Variants in YBEY observed in about 807,000 individuals in gnomAD.
YBEY encodes ybeY metalloendoribonuclease.
Under a neutral mutation model 13.5 loss-of-function variants are expected in YBEY, and 15 were observed. That is an observed-to-expected ratio of 1.11 (90% CI 0.75 to 1.72). The LOEUF is 1.72. Ranked by LOEUF, YBEY falls within the 40% of genes most tolerant of loss-of-function variation. YBEY has a pLI of 0.00. For synonymous variants in YBEY, 101 were observed against 83.1 expected (o/e 1.21, Z -1.17); for missense variants, 244 against 208.4 (o/e 1.17, Z -1.05).
intron 2 of YBEY, among the ~76,000 whole-genome samples, chr21:46,288,904 G>T (rs117344993): frequency 6.6e-6 from 1 of 151,588 alleles, no homozygotes; most frequent in Non-Finnish European, 1.5e-5. Flanking sequence ...CAGAGCTGTC[G>T]TCCCAGCTAC....
the YBEY span, among the ~76,000 whole-genome samples, chr21:46,305,706 G>A: frequency 6.6e-6 from 1 of 152,154 alleles, no homozygotes; most frequent in African/African-American, 2.4e-5. Flanking sequence ...TTGGGAGGCT[G>A]AGGTGGGCGG....
intron 2 of YBEY, 107 bp from the exon 3 acceptor site, chr21:46,291,225 GCT>G: frequency 8.1e-7 from 1 of 1,233,790 alleles, no homozygotes; most frequent in East Asian, 2.8e-5. Context: ...AAGTGATTTG[GCT>G]CAGAGATAAG....
chr21:46,292,234 C>T (rs2081746406), intron 3 of YBEY: 1 of 152,180 alleles, frequency 6.6e-6, no homozygotes, highest in Non-Finnish European at 1.5e-5. Flanking sequence ...TATTGGGGAG[C>T]AATTGGGGCG....
the YBEY span, among the ~76,000 whole-genome samples, chr21:46,303,758 T>A: frequency 5.8e-4 from 54 of 93,538 alleles, no homozygotes; most frequent in Non-Finnish European, 9.7e-4. Flanking sequence ...TTTTTTTTTT[T>A]TTTTTTTTTT....
downstream of YBEY, chr21:46,301,997 A>C: frequency 6.6e-7 from 1 of 1,526,368 alleles, no homozygotes; most frequent in South Asian, 1.2e-5. Context: ...TGTGACTCAC[A>C]CTCAGGGTGG....
downstream of YBEY, chr21:46,302,020 C>T: frequency 6.5e-7 from 1 of 1,533,632 alleles, no homozygotes; most frequent in Non-Finnish European, 8.8e-7. Context: ...CAGGCGTCCA[C>T]AGGCTGGGGG....
the YBEY span, among the ~76,000 whole-genome samples, chr21:46,308,591 G>A: frequency 1.3e-5 from 2 of 152,146 alleles, no homozygotes; most frequent in Admixed American, 6.6e-5. Context: ...GGCCATAAGC[G>A]AAAACAAGAA....
At chr21:46,292,375 C>T (rs945978390) in intron 3 of YBEY, among the ~76,000 whole-genome samples, 4 of 152,224 alleles carry the variant, frequency 2.6e-5, no homozygotes, top group Admixed American at 6.5e-5. Context: ...ATTCAGGCCC[C>T]TCCCATCATC....
downstream of YBEY, chr21:46,300,375 G>C (rs912021009): frequency 6.1e-6 from 1 of 164,054 alleles, no homozygotes; most frequent in African/African-American, 2.4e-5. Context: ...AGCTTGCAGT[G>C]AGCCGAGATC....
chr21:46,311,477 G>A, the YBEY span: 45 of 1,602,604 alleles, frequency 2.8e-5, no homozygotes, highest in African/African-American at 1.2e-4. Flanking sequence ...CTTCCTGACC[G>A]TTGAGTAGGG....
At position 46,287,102 on chromosome 21, in the gene YBEY, G is replaced by A; in HGVS notation, c.189G>A (p.Val63=). ...GAGATAGAAATGTCCCAACCGATGT[G>A]CTTTCTTTTCCATTTCATGAGGTAA... ...IYRDRNVPTD[V]LSFPFHEHLK... The change falls in exon 2 of 5, where the codon GTG becomes GTA. Residue 63 remains valine (V), a synonymous_variant. Transcript: ENST00000397701. 1 of 1,595,994 alleles carries A rather than the reference G, an allele frequency of 6.3e-7. No individual in the cohort carries two copies. The highest frequency in any genetic ancestry group is 8.5e-7 in the Non-Finnish European group (1 of 1,171,900).
At chr21:46,300,128 T>G (rs2145866565), downstream of YBEY, 1 of 152,406 alleles carries the variant, frequency 6.6e-6, no homozygotes, top group South Asian at 2.1e-4. Context: ...TATGAAAAAT[T>G]CTGTTGAGAA....
chr21:46,301,703 C>T (rs546150709), downstream of YBEY: 72 of 1,168,338 alleles, frequency 6.2e-5, no homozygotes, highest in East Asian at 2.8e-3. Context: ...CCCAGGTGGG[C>T]CGGCGCCGCC....
At chr21:46,299,219 A>C (rs766583852), downstream of YBEY, among the ~76,000 whole-genome samples, 26 of 151,804 alleles carry the variant, frequency 1.7e-4, no homozygotes, top group Non-Finnish European at 3.2e-4. Context: ...TGATCCGCCT[A>C]GGCCTCCCAA....
chr21:46,286,899 G>A lies in YBEY; in HGVS notation c.-15G>A. The A allele has an allele frequency of 6.2e-7, 1 of 1,613,664 alleles. No homozygotes were observed. Among genetic ancestry groups the A allele is most frequent in the Non-Finnish European group, 8.5e-7 (1 of 1,179,820 alleles). On this transcript the variant is annotated 5_prime_UTR_variant, in exon 2 of 5. Transcript: ENST00000397701. ...CGTTGCAAACATTTTTAAAGGGCTG[G>A]TTATTCTTCCTGAAATGAGTTTGGT...
intron 3 of YBEY, chr21:46,292,141 G>A (rs1162095968): frequency 6.6e-6 from 1 of 152,426 alleles, no homozygotes; most frequent in African/African-American, 2.4e-5. Context: ...TCAGGTCCAG[G>A]TGGAGTCTGT....
intron 2 of YBEY, among the ~76,000 whole-genome samples, chr21:46,288,795 A>C (rs1238358543): frequency 4.6e-5 from 7 of 152,198 alleles, no homozygotes; most frequent in Non-Finnish European, 1.5e-5. Flanking sequence ...AGGTGGGAGG[A>C]TCACTTGAGC....
chr21:46,295,932 C>A (rs2081939006), intron 3 of YBEY, among the ~76,000 whole-genome samples: 1 of 151,846 alleles, frequency 6.6e-6, no homozygotes, highest in Non-Finnish European at 1.5e-5. Context: ...ACAGTGCTGG[C>A]CCAGACAGCA....
downstream of YBEY, chr21:46,301,142 CT>C (rs2082092938): frequency 4.7e-6 from 4 of 854,004 alleles, no homozygotes; most frequent in South Asian, 1.1e-4. Flanking sequence ...GCTTCTTTCA[CT>C]TTTTTATTTT....
Sources: gnomAD v4.1 joint callset for allele counts (sites outside exome capture counted in the v4.1 genomes callset) on GRCh38, gnomAD v4.1.1 for gene constraint, MANE v1.5 for transcripts, NCBI Gene and HGNC (gene_info 2026-07-23, HGNC 2026-07-21) for gene names.